The following CFAP95 variants were observed in gnomAD, a reference collection of about 807,000 sequenced individuals.
CFAP95 encodes the protein cilia and flagella associated protein 95, also known as cilia- and flagella-associated protein 95.
the CFAP95 span, among the ~76,000 whole-genome samples, chr9:69,843,111 A>G: frequency 2.0e-5 from 3 of 152,148 alleles, no homozygotes; most frequent in African/African-American, 7.2e-5. Flanking sequence ...GTGTCTCTCT[A>G]TCTAGACTGC....
chr9:69,903,132 G>A, the CFAP95 span, among the ~76,000 whole-genome samples: 3 of 152,188 alleles, frequency 2.0e-5, no homozygotes, highest in African/African-American at 7.2e-5. Flanking sequence ...CTGACTGTCA[G>A]ATGTGACTTT....
the CFAP95 span, among the ~76,000 whole-genome samples, chr9:69,894,023 C>A: frequency 6.6e-6 from 1 of 152,136 alleles, no homozygotes; most frequent in Admixed American, 6.6e-5. Context: ...TAATCCCTGC[C>A]AGAGTGTCCC....
At chr9:69,827,753 G>A in the CFAP95 span, among the ~76,000 whole-genome samples, 6 of 152,106 alleles carry the variant, frequency 3.9e-5, no homozygotes, top group African/African-American at 1.2e-4. Flanking sequence ...GGTCCCACTC[G>A]GTCTCTTGCA....
chr9:69,878,488 C>A, the CFAP95 span, among the ~76,000 whole-genome samples: 11 of 152,310 alleles, frequency 7.2e-5, 2 homozygotes, highest in African/African-American at 2.6e-4. Flanking sequence ...TCTACGGATT[C>A]TGGACTGTTC....
At chr9:69,850,698 T>C in the CFAP95 span, among the ~76,000 whole-genome samples, 304 of 152,344 alleles carry the variant, frequency 2.0e-3, 2 homozygotes, top group African/African-American at 7.0e-3. Flanking sequence ...ATAAATGGAA[T>C]ATTTTAAATG....
the CFAP95 span, among the ~76,000 whole-genome samples, chr9:69,895,369 C>CTCTGTGTGTG: frequency 2.7e-3 from 295 of 107,894 alleles, 3 homozygotes; most frequent in East Asian, 0.024. Context: ...CTCTCTCTCT[C>CTCTGTGTGTG]TGTGTGTGTG....
chr9:69,862,766 A>T, the CFAP95 span, among the ~76,000 whole-genome samples: 1 of 152,362 alleles, frequency 6.6e-6, no homozygotes, highest in African/African-American at 2.4e-5. Flanking sequence ...TCCGTTACAC[A>T]GAAACGGCAT....
At chr9:69,889,693 C>A in the CFAP95 span, among the ~76,000 whole-genome samples, 2 of 152,090 alleles carry the variant, frequency 1.3e-5, no homozygotes, top group Non-Finnish European at 2.9e-5. Flanking sequence ...TGCTGCAACA[C>A]CTGCTGTTCT....
chr9:69,836,827 T>C, the CFAP95 span, among the ~76,000 whole-genome samples: 1 of 150,500 alleles, frequency 6.6e-6, no homozygotes, highest in African/African-American at 2.4e-5. Context: ...TGCGCTGCAC[T>C]CACTAACTCG....
the CFAP95 span, chr9:69,857,907 A>T: frequency 6.2e-7 from 1 of 1,613,320 alleles, no homozygotes; most frequent in Admixed American, 1.7e-5. Flanking sequence ...ATCTTGTTTT[A>T]GGGTCACCGG....
chr9:69,857,927 C>G, the CFAP95 span: 1 of 1,613,918 alleles, frequency 6.2e-7, no homozygotes, highest in Non-Finnish European at 8.5e-7. Context: ...GATTGCCTGC[C>G]ACAGGTTTTG....
the CFAP95 span, among the ~76,000 whole-genome samples, chr9:69,886,404 T>C: frequency 6.6e-6 from 1 of 152,160 alleles, no homozygotes; most frequent in East Asian, 1.9e-4. Flanking sequence ...CTTGCAATTA[T>C]AAAGAAGAAA....
the CFAP95 span, among the ~76,000 whole-genome samples, chr9:69,848,523 A>G: frequency 6.6e-6 from 1 of 152,208 alleles, no homozygotes; most frequent in African/African-American, 2.4e-5. Context: ...CACCAGTGCC[A>G]GAGAGGGTCA....
the CFAP95 span, among the ~76,000 whole-genome samples, chr9:69,857,122 G>A: frequency 6.6e-6 from 1 of 152,156 alleles, no homozygotes; most frequent in Non-Finnish European, 1.5e-5. Context: ...AGTATTGACT[G>A]ACATGCAATA....
the CFAP95 span, chr9:69,886,995 G>T: frequency 4.8e-6 from 4 of 830,726 alleles, no homozygotes; most frequent in Non-Finnish European, 7.8e-6. Context: ...AATTGCTAAA[G>T]CTTATGATAT....
the CFAP95 span, among the ~76,000 whole-genome samples, chr9:69,855,160 G>C: frequency 6.6e-6 from 1 of 152,184 alleles, no homozygotes; most frequent in Non-Finnish European, 1.5e-5. Flanking sequence ...AAAGTGCTTA[G>C]TACATTGTCT....
At chr9:69,832,620 A>AT in the CFAP95 span, among the ~76,000 whole-genome samples, 177 of 11,352 alleles carry the variant, frequency 0.016, 38 homozygotes, top group African/African-American at 0.076. Context: ...GTCTATTCGG[A>AT]TTTTTTTTTT....
At chr9:69,838,880 A>G in the CFAP95 span, among the ~76,000 whole-genome samples, 2 of 90,160 alleles carry the variant, frequency 2.2e-5, no homozygotes, top group Non-Finnish European at 4.6e-5. Flanking sequence ...TGTCATAGAT[A>G]GCTCTTATTA....
At chr9:69,846,798 G>T in the CFAP95 span, among the ~76,000 whole-genome samples, 676 of 152,316 alleles carry the variant, frequency 4.4e-3, 5 homozygotes, top group African/African-American at 0.015. Flanking sequence ...CTTGATAGTT[G>T]GCAGGAACCA....
Sources: allele counts gnomAD v4.1 joint callset (sites outside exome capture counted in the v4.1 genomes callset), GRCh38; gene constraint gnomAD v4.1.1; transcripts MANE v1.5; gene names NCBI Gene and HGNC (gene_info 2026-07-23, HGNC 2026-07-21).